The following TENT2 variants were observed in gnomAD, a reference collection of about 807,000 sequenced individuals.
The protein encoded by TENT2 is terminal nucleotidyltransferase 2, also known as poly(A) RNA polymerase GLD2.
Under a neutral mutation model 72.2 loss-of-function variants are expected in TENT2, and 44 were observed. The ratio of observed to expected loss-of-function variants is 0.61; its 90% CI spans 0.48 to 0.78. The LOEUF is 0.78. Ranked by LOEUF, TENT2 falls within the 30% of genes least tolerant of loss-of-function variation. The pLI, the probability that TENT2 is intolerant of heterozygous loss-of-function variation, is 0.00. For synonymous variants in TENT2, 212 were observed against 192.5 expected (o/e 1.10, Z -0.84); for missense variants, 541 against 569.6 (o/e 0.95, Z 0.51).
chr5:79,638,168 T>A (rs1180012413), intron 4 of TENT2, among the ~76,000 whole-genome samples: 1 of 152,156 alleles, frequency 6.6e-6, no homozygotes, highest in East Asian at 1.9e-4. Context: ...TTCCCACTTT[T>A]ATCTAGAGTA....
At chr5:79,654,688 C>T (rs376885992) in intron 10 of TENT2, among the ~76,000 whole-genome samples, 9 of 151,944 alleles carry the variant, frequency 5.9e-5, no homozygotes, top group African/African-American at 1.4e-4. Context: ...CACTTGAATT[C>T]GGGAGGTGGA....
rs777482157 is a variant in TENT2, at chr5:79,619,997, G to C, written c.141G>C (p.Leu47Phe). The change falls in exon 3 of 15, where the codon TTG becomes TTC. Residue 47 changes from leucine (L) to phenylalanine (F), a missense_variant. Transcript: ENST00000453514. ...TTCTTTTCTTTGATTTTGTTAGCTT[G>C]TCTAGAGCTGTGTCATTACAGCAGC... The part of the protein sequence containing the change: ...DAQFNFQNAD[L>F]SRAVSLQQLT... 1.9e-6 allele frequency: 3 copies of C among 1,605,358 alleles called. No homozygotes were observed. The highest frequency in any genetic ancestry group is 2.6e-6 in the Non-Finnish European group (3 of 1,174,768).
At chr5:79,636,628 A>G (rs138655416) in intron 4 of TENT2, among the ~76,000 whole-genome samples, 66 of 152,286 alleles carry the variant, frequency 4.3e-4, no homozygotes, top group African/African-American at 1.5e-3. Context: ...ATTTCTTGTG[A>G]AACAAATATC....
At position 79,619,759 on chromosome 5, in the gene TENT2, T is replaced by G; in HGVS notation, c.111T>G (p.Asp37Glu). ...TTTATTCACACCAGCAGCTTATAGA[T>G]GCACAATTCAACTTTCAGAATGCAG... ...PTVYSHQQLI[D>E]AQFNFQNADL... Residue 37 changes from aspartate to glutamate, a missense_variant, in exon 2 of 15, where the codon GAT (aspartate) becomes GAG (glutamate). Coordinates refer to ENST00000453514, the MANE Select transcript of TENT2 (RefSeq NM_001114394.3). 6.2e-7 allele frequency: 1 copy of G among 1,613,462 alleles called. No individual in the cohort carries two copies.
At chr5:79,616,996 C>A (rs2149835689) in intron 1 of TENT2, among the ~76,000 whole-genome samples, 1 of 152,124 alleles carries the variant, frequency 6.6e-6, no homozygotes, top group South Asian at 2.1e-4. Context: ...TTATTAATTT[C>A]TTCCCAGATT....
intron 11 of TENT2, among the ~76,000 whole-genome samples, chr5:79,660,215 A>C (rs1296025236): frequency 6.6e-6 from 1 of 151,744 alleles, no homozygotes; most frequent in African/African-American, 2.4e-5. Flanking sequence ...GTCTCTAAAA[A>C]CTGTATTATA....
chr5:79,679,562 T>C lies in TENT2; in HGVS notation c.1209-17T>C. The C allele has an allele frequency of 6.5e-7, 1 of 1,541,004 alleles. No homozygotes were observed. Among genetic ancestry groups the C allele is most frequent in the Non-Finnish European group, 8.9e-7 (1 of 1,129,732 alleles). On this transcript the variant is annotated splice_polypyrimidine_tract_variant and intron_variant, in intron 12 of 14. Coordinates refer to ENST00000453514, the MANE Select transcript of TENT2 (RefSeq NM_001114394.3). ...TTATGAAAATAGTTAACATGGTTAC[T>C]GTTTTTCTTCTTATAGCTGGAATAG... is the stretch of plus-strand genomic sequence containing the variant.
rs567139182 is a variant in TENT2, at chr5:79,687,619, C to T, written c.*2346C>T. 1.2e-4 allele frequency among the ~76,000 whole-genome samples: 18 copies of T among 152,294 alleles called. No individual in the cohort carries two copies. The highest frequency in any genetic ancestry group is 3.8e-4 in the African/African-American group (16 of 41,566). On this transcript the variant is annotated 3_prime_UTR_variant, in exon 15 of 15. Transcript: ENST00000453514. ...ACAAGACAAAAAGTCTATACCTGTTCGGTACAGATGCAACCATTCTGCCTC... is the reference window on the plus strand; with the variant it reads ...ACAAGACAAAAAGTCTATACCTGTTTGGTACAGATGCAACCATTCTGCCTC...
chr5:79,637,298 G>C (rs916595639), intron 4 of TENT2, among the ~76,000 whole-genome samples: 1 of 152,028 alleles, frequency 6.6e-6, no homozygotes, highest in Non-Finnish European at 1.5e-5. Flanking sequence ...GAATTGATTA[G>C]AATACTTTCA....
chr5:79,673,584 T>G (rs1814751779), intron 12 of TENT2, among the ~76,000 whole-genome samples: 1 of 152,200 alleles, frequency 6.6e-6, no homozygotes, highest in Non-Finnish European at 1.5e-5. Flanking sequence ...GCACCTTTTT[T>G]GAAAATGAGT....
rs191579607 is a variant in TENT2, at chr5:79,613,042, T to A, written c.-71T>A. 2.5e-4 allele frequency: 38 copies of A among 152,318 alleles called. No individual in the cohort carries two copies. The highest frequency in any genetic ancestry group is 8.9e-4 in the African/African-American group (37 of 41,554). The allele number at this position is 152,318 out of a possible 1,614,324, so 9.4% of individuals were successfully genotyped here. A position where few individuals can be genotyped will look rare whatever the true frequency, so the allele number is the denominator to read the frequency against. The stretch of plus-strand genomic sequence containing the variant: ...AAGAGGAAGATAGTCTTGGGACCCT[T>A]GCATGGTGTTTCAAAGGGTGGTGAA... On this transcript the variant is annotated 5_prime_UTR_variant, in exon 1 of 15. Transcript: ENST00000453514.
intron 7 of TENT2, 144 bp from the exon 8 acceptor site, chr5:79,644,979 T>C: frequency 1.6e-6 from 1 of 607,272 alleles, no homozygotes; most frequent in Non-Finnish European, 2.7e-6. Context: ...AAGAATTTGA[T>C]AATGTCCTCA....
intron 11 of TENT2, among the ~76,000 whole-genome samples, chr5:79,668,385 A>G (rs1461087457): frequency 6.6e-6 from 1 of 152,112 alleles, no homozygotes; most frequent in Non-Finnish European, 1.5e-5. Flanking sequence ...AAGAAAGCAA[A>G]ATTTATAAAA....
chr5:79,615,641 G>A lies in TENT2; in HGVS notation c.-38+2566G>A, dbSNP rs80105289. On this transcript the variant is annotated intron_variant, in intron 1 of 14. Transcript: ENST00000453514. ...TAAAAAAGGCCAAGAAGGAGTGTGA[G>A]CCTGAGCAAAGGGTGAAAAGTGTTC... Among the ~76,000 whole-genome samples the A allele has an allele frequency of 9.5e-3, 1,442 of 152,030 alleles. 30 individuals carry two copies. Among genetic ancestry groups the A allele is most frequent in the African/African-American group, 0.033 (1,368 of 41,490 alleles).
At chr5:79,664,367 C>T (rs1426593397) in intron 11 of TENT2, among the ~76,000 whole-genome samples, 2 of 151,998 alleles carry the variant, frequency 1.3e-5, no homozygotes, top group Non-Finnish European at 1.5e-5. Flanking sequence ...GAGGCCGAGG[C>T]GGGTGGATCA....
intron 13 of TENT2, chr5:79,681,634 T>C (rs534048179): frequency 3.1e-4 from 52 of 165,250 alleles, no homozygotes; most frequent in African/African-American, 1.2e-3. Context: ...TATAATGCTT[T>C]CTTCTTTTTG....
At chr5:79,644,406 C>G (rs377533935) in intron 7 of TENT2, among the ~76,000 whole-genome samples, 11 of 152,226 alleles carry the variant, frequency 7.2e-5, no homozygotes, top group African/African-American at 2.6e-4. Context: ...GAAAGATTTT[C>G]AGAATTTCAT....
chr5:79,630,698 T>C (rs1774660684), intron 4 of TENT2, among the ~76,000 whole-genome samples: 2 of 152,024 alleles, frequency 1.3e-5, no homozygotes, highest in Non-Finnish European at 2.9e-5. Context: ...GGCTAGTGTT[T>C]GGTGAATTGA....
chr5:79,674,282 T>A (rs1438808088), intron 12 of TENT2, among the ~76,000 whole-genome samples: 1 of 152,196 alleles, frequency 6.6e-6, no homozygotes, highest in Non-Finnish European at 1.5e-5. Context: ...CTCACGAGGC[T>A]GAGGCAGGAG....
Sources: allele counts gnomAD v4.1 joint callset (sites outside exome capture counted in the v4.1 genomes callset), GRCh38; gene constraint gnomAD v4.1.1; transcripts MANE v1.5; gene names NCBI Gene and HGNC (gene_info 2026-07-23, HGNC 2026-07-21).